The following OR2T11 variants were observed in gnomAD, a reference collection of about 807,000 sequenced individuals.
The protein encoded by OR2T11 is olfactory receptor 2T11.
In OR2T11, 14 loss-of-function variants were observed where a neutral mutation model predicts 13.5. That is an observed-to-expected ratio of 1.04 (90% CI 0.69 to 1.62). The LOEUF is 1.62. OR2T11 is among the 40% of genes most tolerant of loss of function. The probability of loss-of-function intolerance (pLI) is 0.00; values close to 1 mark genes in which losing one functional copy is unlikely to be tolerated. For synonymous variants in OR2T11, 163 were observed against 154.6 expected, an observed-to-expected ratio of 1.05 and a Z score of -0.40; for missense variants, 410 against 389.7, an observed-to-expected ratio of 1.05 and a Z score of -0.44.
At position 248,632,298 on chromosome 1, in the gene OR2T11, T is replaced by A. The variant is rs1660625598; in HGVS notation, c.-145+2740A>T. 1.4e-5 allele frequency among the ~76,000 whole-genome samples: 2 copies of A among 142,938 alleles called. 1 individual carries two copies. Among genetic ancestry groups the A allele is most frequent in the African/African-American group, 5.5e-5 (2 of 36,194 alleles). 93.8% of individuals were successfully genotyped at this position (142,938 alleles called of 152,430 possible). ...TTATGATAATTTTTTTCAACATAAT[T>A]GTCCTCGTATCCTATATTTTCCTAG... On this transcript the variant is annotated intron_variant, in intron 1 of 1. Coordinates refer to ENST00000641193, the MANE Select transcript of OR2T11 (RefSeq NM_001001964.2).
In OR2T11 at chr1:248,626,259, T is replaced by C. The variant is rs746051608; in HGVS notation, c.870A>G (p.Arg290=). ...TAAATGCCCCTATGACGTCCTTGTT[T>C]CTGAGGCTGTAGATGAGAGGATTAA... ...PMLNPLIYSL[R]NKDVIGAFKK... is the part of the protein sequence containing the mutation. The change falls in exon 2 of 2, where the codon AGA becomes AGG. Residue 290 remains arginine, a synonymous_variant. Coordinates refer to ENST00000641193, the MANE Select transcript of OR2T11 (RefSeq NM_001001964.2). The C allele has an allele frequency of 1.3e-6, 2 of 1,570,278 alleles. No individual in the cohort carries two copies. Among genetic ancestry groups the C allele is most frequent in the African/African-American group, 1.5e-5 (1 of 67,052 alleles).
Position 248,627,065 on chromosome 1 carries a change from C to T in OR2T11, c.64G>A (p.Gly22Arg), listed in dbSNP as rs200806236. 1.2e-4 allele frequency: 192 copies of T among 1,570,656 alleles called. 21 individuals are homozygous for T. The East Asian group carries it at 2.4e-3, about 20-fold the overall frequency. Reference sequence around the variant, plus strand: ...GCAAGGATCACTGTAAATACAATCCCGGCAGCCTCACTGTTCACCAGAAGC... The same window carrying T: ...GCAAGGATCACTGTAAATACAATCCTGGCAGCCTCACTGTTCACCAGAAGC... ...LGLLVNSEAA[G>R]IVFTVILAVF... Residue 22 changes from glycine to arginine, a missense_variant, in exon 2 of 2, where the codon GGG (glycine) becomes AGG (arginine). Coordinates refer to ENST00000641193, the MANE Select transcript of OR2T11 (RefSeq NM_001001964.2).
At chr1:248,634,819 C>T (rs1274971180) in intron 1 of OR2T11, among the ~76,000 whole-genome samples, 10 of 143,410 alleles carry the variant, frequency 7.0e-5, no homozygotes, top group Admixed American at 6.1e-4. Flanking sequence ...CAGAGGTCTG[C>T]GTTTTTCCTT....
rs1161722005 is a variant in OR2T11, at chr1:248,627,067, G to A, written c.62C>T (p.Ala21Val). 2 of 1,570,614 alleles carry A rather than the reference G, an allele frequency of 1.3e-6. No homozygotes were observed. The highest frequency in any genetic ancestry group is 1.1e-5 in the South Asian group (1 of 88,766). ...LLGLLVNSEAAGIVFTVILAV... is the reference protein window; with the variant it reads ...LLGLLVNSEAVGIVFTVILAV... The stretch of plus-strand genomic sequence containing the variant: ...AAGGATCACTGTAAATACAATCCCG[G>A]CAGCCTCACTGTTCACCAGAAGCCC... Residue 21 changes from alanine to valine, a missense_variant, in exon 2 of 2, where the codon GCC becomes GTC. Physicochemically the swap from Ala to Val is moderately conservative, Grantham distance 64. Coordinates refer to ENST00000641193, the MANE Select transcript of OR2T11 (RefSeq NM_001001964.2).
rs1427478715 is a variant in OR2T11, at chr1:248,631,367, G to A, written c.-145+3671C>T. Among the ~76,000 whole-genome samples the A allele has an allele frequency of 1.4e-5, 2 of 143,464 alleles. 1 individual carries two copies. Among genetic ancestry groups the A allele is most frequent in the South Asian group, 4.4e-4 (2 of 4,570 alleles). The allele number at this position is 143,464 out of a possible 152,430, so 94.1% of individuals were successfully genotyped here. On this transcript the variant is annotated intron_variant, in intron 1 of 1. Transcript: ENST00000641193. Reference sequence around the variant, plus strand: ...CACGTGCTCTTCACAGCACCTCGACGGGTCGATCACTAATTATCACCATCT... The same window carrying A: ...CACGTGCTCTTCACAGCACCTCGACAGGTCGATCACTAATTATCACCATCT...
At chr1:248,632,019 GA>G (rs1203957404) in intron 1 of OR2T11, among the ~76,000 whole-genome samples, 3 of 143,724 alleles carry the variant, frequency 2.1e-5, no homozygotes, top group Admixed American at 2.0e-4. Flanking sequence ...CTAGCATAAA[GA>G]AAATACAAAT....
chr1:248,630,366 TTG>T (rs1408774398), intron 1 of OR2T11, among the ~76,000 whole-genome samples: 2 of 119,920 alleles, frequency 1.7e-5, no homozygotes, highest in Admixed American at 1.7e-4. Context: ...CAGTACAAAT[TTG>T]AGACAATTAC....
intron 1 of OR2T11, among the ~76,000 whole-genome samples, chr1:248,628,302 A>G (rs1660551098): frequency 7.0e-6 from 1 of 143,030 alleles, no homozygotes; most frequent in African/African-American, 2.8e-5. Flanking sequence ...CCATACATGT[A>G]GTAAGAATCG....
Position 248,625,786 on chromosome 1 carries a change from C to A in OR2T11, c.*392G>T. On this transcript the variant is annotated 3_prime_UTR_variant, in exon 2 of 2. Coordinates refer to ENST00000641193, the MANE Select transcript of OR2T11 (RefSeq NM_001001964.2). ...GTATTGGCATTCTTTTACTCTATTG[C>A]TGCTAATCACAGAATTTGACTGTAA... 1 of 156,522 alleles carries A rather than the reference C, an allele frequency of 6.4e-6. No individual in the cohort carries two copies. Among genetic ancestry groups the A allele is most frequent in the Non-Finnish European group, 1.4e-5 (1 of 73,720 alleles). The allele number at this position is 156,522 out of a possible 1,614,324, so 9.7% of individuals were successfully genotyped here.
Position 248,626,815 on chromosome 1 carries a change from A to G in OR2T11, c.314T>C (p.Ile105Thr), listed in dbSNP as rs201605733. ...GCCCAGGAGGAAGAACTCAGAACCA[A>G]TCATGGTCAGGTAGAGGAAGATCTG... Reference protein sequence around the residue: ...GIQIFLYLTMIGSEFFLLGLM... With the variant: ...GIQIFLYLTMTGSEFFLLGLM... The change falls in exon 2 of 2, where the codon ATT becomes ACT. Residue 105 changes from isoleucine to threonine, a missense_variant. Ile to Thr is a moderately conservative substitution (Grantham distance 89). Coordinates refer to ENST00000641193, the MANE Select transcript of OR2T11 (RefSeq NM_001001964.2). 3.2e-6 allele frequency: 5 copies of G among 1,571,822 alleles called. 1 individual carries two copies. The highest frequency in any genetic ancestry group is 1.5e-5 in the African/African-American group (1 of 66,696).
In OR2T11 at chr1:248,628,709, AAT is replaced by A. The variant is rs941663682; in HGVS notation, c.-144-1439_-144-1438del. On this transcript the variant is annotated intron_variant, in intron 1 of 1. Transcript: ENST00000641193. The stretch of plus-strand genomic sequence containing the variant: ...AAAAGTGACCAGTAGAATCAGTACA[AAT>A]AGAGTCTAAACAAAAAAGTTATTTA... Among the ~76,000 whole-genome samples, 17 of 142,960 alleles carry A rather than the reference AAT, an allele frequency of 1.2e-4. 2 individuals carry two copies. Among genetic ancestry groups the A allele is most frequent in the Non-Finnish European group, 1.8e-4 (12 of 66,226 alleles). 93.8% of individuals were successfully genotyped at this position (142,960 alleles called of 152,430 possible). A position where few individuals can be genotyped will look rare whatever the true frequency, so the allele number is the denominator to read the frequency against.
At position 248,623,581 on chromosome 1, in the gene OR2T11, GAC is replaced by G. The variant is rs1173018458; in HGVS notation, c.*2595_*2596del. ...TATACAACTTTTAATTGCCCAAAGAGACAAATTTATTGAAATAAACAGCTACT... is the reference window on the plus strand; with the variant it reads ...TATACAACTTTTAATTGCCCAAAGAGAAATTTATTGAAATAAACAGCTACT... On this transcript the variant is annotated 3_prime_UTR_variant, in exon 2 of 2. Transcript: ENST00000641193. 4.2e-5 allele frequency: 6 copies of G among 143,340 alleles called. No individual in the cohort carries two copies. The highest frequency in any genetic ancestry group is 3.4e-4 in the Admixed American group (5 of 14,732). The allele number at this position is 143,340 out of a possible 1,614,324, so 8.9% of individuals were successfully genotyped here.
chr1:248,626,068 T>C lies in OR2T11; in HGVS notation c.*110A>G. 1 of 640,920 alleles carries C rather than the reference T, an allele frequency of 1.6e-6. No individual in the cohort carries two copies. Among genetic ancestry groups the C allele is most frequent in the Non-Finnish European group, 2.7e-6 (1 of 364,560 alleles). The allele number at this position is 640,920 out of a possible 1,614,324, so 39.7% of individuals were successfully genotyped here. A position where few individuals can be genotyped will look rare whatever the true frequency, so the allele number is the denominator to read the frequency against. On this transcript the variant is annotated 3_prime_UTR_variant, in exon 2 of 2. Transcript: ENST00000641193. ...GCAAGAATCCAGACAGGGTGAATCA[T>C]CTTAACTGCCAGTAGTAAGTGTAGG...
In OR2T11 at chr1:248,629,357, C is replaced by A. The variant is rs529128427; in HGVS notation, c.-144-2085G>T. Among the ~76,000 whole-genome samples, 53 of 142,870 alleles carry A rather than the reference C, an allele frequency of 3.7e-4. 5 individuals carry two copies. The South Asian group carries it at 0.011, about 30-fold the overall frequency. 93.7% of individuals were successfully genotyped at this position (142,870 alleles called of 152,430 possible). ...ACAGAGAGCTATGATTGTGCCACTG[C>A]ACTCCAGCCTGGGTGACAGAGCAAG... On this transcript the variant is annotated intron_variant, in intron 1 of 1. Coordinates refer to ENST00000641193, the MANE Select transcript of OR2T11 (RefSeq NM_001001964.2).
intron 1 of OR2T11, among the ~76,000 whole-genome samples, chr1:248,633,192 G>A (rs1177496681): frequency 1.7e-5 from 2 of 120,616 alleles, no homozygotes; most frequent in Admixed American, 8.1e-5. Context: ...TAACCTAAGC[G>A]TCTGCTAACT....
At chr1:248,630,396 TTA>T (rs5782500) in intron 1 of OR2T11, among the ~76,000 whole-genome samples, 134,197 of 142,226 alleles carry the variant, frequency 0.94, 64,970 homozygotes, top group East Asian at 1. Flanking sequence ...TTTAAAATAC[TTA>T]TAGAGTAATT....
chr1:248,633,576 G>A lies in OR2T11; in HGVS notation c.-145+1462C>T, dbSNP rs1173364521. ...CCAGTTTATACAGGGAGACAGAAAA[G>A]CAGTTCTCTTCATTAAAACTTCAGC... On this transcript the variant is annotated intron_variant, in intron 1 of 1. Coordinates refer to ENST00000641193, the MANE Select transcript of OR2T11 (RefSeq NM_001001964.2). Among the ~76,000 whole-genome samples the A allele has an allele frequency of 1.6e-4, 22 of 139,012 alleles. 2 individuals carry two copies. The highest frequency in any genetic ancestry group is 4.6e-4 in the South Asian group (2 of 4,354). 91.2% of individuals were successfully genotyped at this position (139,012 alleles called of 152,430 possible).
chr1:248,633,548 T>TC (rs1189786742), intron 1 of OR2T11, among the ~76,000 whole-genome samples: 2 of 139,854 alleles, frequency 1.4e-5, no homozygotes, highest in South Asian at 2.3e-4. Flanking sequence ...TCAAGTAGTT[T>TC]CCCCAGTTTA....
In OR2T11 at chr1:248,623,799, G is replaced by T. The variant is rs1336908425; in HGVS notation, c.*2379C>A. The T allele has an allele frequency of 1.4e-5, 2 of 142,692 alleles. No individual in the cohort carries two copies. Among genetic ancestry groups the T allele is most frequent in the Admixed American group, 6.8e-5 (1 of 14,648 alleles). 8.8% of individuals were successfully genotyped at this position (142,692 alleles called of 1,614,324 possible). A position where few individuals can be genotyped will look rare whatever the true frequency, so the allele number is the denominator to read the frequency against. ...GGCCACCATCCCGAACACACATCAT[G>T]AATCGTCTGACAAATGTGCTGTGCT... On this transcript the variant is annotated 3_prime_UTR_variant, in exon 2 of 2. Transcript: ENST00000641193.
Sources: gnomAD v4.1 joint callset for allele counts (sites outside exome capture counted in the v4.1 genomes callset) on GRCh38, gnomAD v4.1.1 for gene constraint, MANE v1.5 for transcripts, NCBI Gene and HGNC (gene_info 2026-07-23, HGNC 2026-07-21) for gene names.